FUS: variants seen among roughly 807,000 people sequenced by gnomAD.
FUS encodes the protein RNA-binding protein FUS.
Under a neutral mutation model 82.7 loss-of-function variants are expected in FUS, and 5 were observed. The observed-to-expected ratio is 0.06, with a 90% CI of 0.03 to 0.13. The LOEUF is 0.13. Among genes scored for constraint, FUS ranks in the 10% least tolerant of loss-of-function variants. The probability of loss-of-function intolerance (pLI) is 1.00; values close to 1 mark genes in which losing one functional copy is unlikely to be tolerated. For missense variants in FUS, 512 were observed against 707.8 expected, an observed-to-expected ratio of 0.72 and a Z score of 3.14; for synonymous variants, 281 against 247.4, an observed-to-expected ratio of 1.14 and a Z score of -1.27.
downstream of FUS, chr16:31,191,647 T>TG: frequency 1.4e-6 from 1 of 707,356 alleles, no homozygotes; most frequent in South Asian, 1.5e-5. Context: ...GGAAGATCGA[T>TG]GTCCCGATCA....
At chr16:31,190,561 A>G in intron 12 of FUS, 163 bp downstream of exon 12, 1 of 1,209,118 alleles carries the variant, frequency 8.3e-7, no homozygotes, top group Non-Finnish European at 1.2e-6. Flanking sequence ...TGTAATGGGA[A>G]AGGTAATGGA....
At chr16:31,191,915 T>TC (rs1186603718), downstream of FUS, 2 of 535,460 alleles carry the variant, frequency 3.7e-6, no homozygotes, top group African/African-American at 3.7e-5. Flanking sequence ...GTTTATCCCT[T>TC]TTTAAGAACT....
chr16:31,181,195 G>C (rs1186285107), intron 1 of FUS, among the ~76,000 whole-genome samples: 2 of 152,220 alleles, frequency 1.3e-5, no homozygotes, highest in Non-Finnish European at 2.9e-5. Context: ...GATTACAGAC[G>C]TAAGCCAACC....
At chr16:31,193,832 A>G, downstream of FUS, 2 of 501,960 alleles carry the variant, frequency 4.0e-6, no homozygotes, top group Non-Finnish European at 3.8e-6. Context: ...TTTTTTTTTT[A>G]AGAAACAGGG....
At chr16:31,182,075 C>T (rs1279559462) in intron 1 of FUS, 5 of 386,392 alleles carry the variant, frequency 1.3e-5, no homozygotes, top group Non-Finnish European at 4.9e-6. Context: ...ACTGCAACCT[C>T]TGCCTCCCGG....
chr16:31,191,306 G>T (rs72550885), intron 14 of FUS, 93 bp from the exon 15 acceptor site: 1 of 1,540,848 alleles, frequency 6.5e-7, no homozygotes, highest in East Asian at 2.2e-5. Flanking sequence ...ATACTCGCTG[G>T]GTTAGGTAGG....
intron 1 of FUS, among the ~76,000 whole-genome samples, chr16:31,181,508 C>T (rs556241033): frequency 3.9e-5 from 6 of 152,176 alleles, no homozygotes; most frequent in Non-Finnish European, 8.8e-5. Context: ...TGCATGATCT[C>T]TGTCATTTGG....
chr16:31,182,770 G>A (rs1666537419), intron 3 of FUS, 106 bp downstream of exon 3: 11 of 1,396,444 alleles, frequency 7.9e-6, no homozygotes, highest in Non-Finnish European at 1.1e-5. Context: ...AGGCTGGAGT[G>A]CAGTGGTGCT....
intron 1 of FUS, 73 bp from the exon 2 acceptor site, chr16:31,182,325 A>G (rs1490697803): frequency 3.9e-6 from 6 of 1,554,046 alleles, no homozygotes; most frequent in Non-Finnish European, 5.3e-6. Context: ...TGCTTGAGTT[A>G]AGGAATTTAG....
At chr16:31,185,557 G>C (rs560037428) in intron 6 of FUS, 1 of 546,054 alleles carries the variant, frequency 1.8e-6, no homozygotes, top group Non-Finnish European at 3.5e-6. Flanking sequence ...GGGAAACTTG[G>C]TATGTGTATT....
chr16:31,192,453 G>GTTTTA (rs1251620868), downstream of FUS: 1 of 520,858 alleles, frequency 1.9e-6, no homozygotes, highest in Non-Finnish European at 3.7e-6. Context: ...GAGCAGAAAG[G>GTTTTA]TTTTATTTAC....
intron 3 of FUS, chr16:31,182,915 C>G (rs146928080): frequency 2.1e-6 from 1 of 471,968 alleles, no homozygotes; most frequent in Non-Finnish European, 3.9e-6. Flanking sequence ...GGGGTTTCAC[C>G]GTGTTGGACA....
chr16:31,190,221 AG>A (rs2079332838), intron 11 of FUS, 53 bp from the exon 12 acceptor site: 1 of 1,614,036 alleles, frequency 6.2e-7, no homozygotes, highest in Admixed American at 1.7e-5. Context: ...GGAATGGGTT[AG>A]ATTTACCAAA....
At chr16:31,193,781 TC>T (rs774745541), downstream of FUS, 37 of 527,682 alleles carry the variant, frequency 7.0e-5, 4 homozygotes, top group South Asian at 5.7e-4. Flanking sequence ...TACAGGTGCT[TC>T]CTCGCTACCA....
At position 31,189,682 on chromosome 16, in the gene FUS, A is replaced by G. The variant is rs774663066; in HGVS notation, c.954A>G (p.Gly318=). 6.2e-7 allele frequency: 1 copy of G among 1,614,204 alleles called. No homozygotes were observed. The highest frequency in any genetic ancestry group is 8.5e-7 in the Non-Finnish European group (1 of 1,180,042). ...IGIIKTNKKT[G]QPMINLYTDR... is the part of the protein sequence containing the mutation. ...TTCTTCAGACAAACAAGAAAACGGGACAGCCCATGATTAATTTGTACACAG... is the reference window on the plus strand; with the variant it reads ...TTCTTCAGACAAACAAGAAAACGGGGCAGCCCATGATTAATTTGTACACAG... Residue 318 remains glycine, a synonymous_variant, in exon 10 of 15, where the codon GGA becomes GGG. Coordinates refer to ENST00000254108, the MANE Select transcript of FUS (RefSeq NM_004960.4).
downstream of FUS, chr16:31,193,679 TC>T (rs970270004): frequency 1.9e-5 from 10 of 532,398 alleles, no homozygotes; most frequent in Non-Finnish European, 3.6e-5. Context: ...GGGGGGATCT[TC>T]CAGGAGAATG....
downstream of FUS, chr16:31,194,592 A>C (rs188668421): frequency 2.6e-5 from 13 of 497,416 alleles, no homozygotes; most frequent in Admixed American, 2.5e-4. Context: ...GGTGTGAGAT[A>C]CTGTGTCCGG....
rs1567472342 is a variant in FUS, at chr16:31,185,063, CGGCAGGGGT to C, written c.654_662del (p.Arg218_Gly220del). 1.2e-6 allele frequency: 2 copies of C among 1,610,978 alleles called. No individual in the cohort carries two copies. The highest frequency in any genetic ancestry group is 2.7e-5 in the African/African-American group (2 of 74,862). ...ATGGACAGCAGGACCGTGGAGGCCG[CGGCAGGGGT>C]GGCAGTGGTGGCGGCGGCGGCGGCG... is the stretch of plus-strand genomic sequence containing the variant. On this transcript the variant is annotated inframe_deletion, in exon 6 of 15. Coordinates refer to ENST00000254108, the MANE Select transcript of FUS (RefSeq NM_004960.4).
chr16:31,186,665 G>GGA, intron 6 of FUS, 137 bp from the exon 7 acceptor site: 1 of 759,814 alleles, frequency 1.3e-6, no homozygotes, highest in Non-Finnish European at 2.4e-6. Flanking sequence ...GGTCAGGAAG[G>GGA]GATGTATTTT....
Sources: allele counts gnomAD v4.1 joint callset (sites outside exome capture counted in the v4.1 genomes callset), GRCh38; gene constraint gnomAD v4.1.1; transcripts MANE v1.5; gene names NCBI Gene and HGNC (gene_info 2026-07-23, HGNC 2026-07-21).